UBTD2: variants seen among roughly 807,000 people sequenced by gnomAD.
The protein encoded by UBTD2 is ubiquitin domain-containing protein 2.
UBTD2 carries 9 observed loss-of-function variants against 19.8 expected under a neutral mutation model. The ratio of observed to expected loss-of-function variants is 0.46; its 90% CI spans 0.27 to 0.79. UBTD2 has a LOEUF of 0.79. UBTD2 is among the 30% of genes least tolerant of loss of function. The pLI is 0.14. For missense variants in UBTD2, 250 were observed against 300.4 expected (o/e 0.83, Z 1.24); for synonymous variants, 98 against 103.9 (o/e 0.94, Z 0.35).
In UBTD2 at chr5:172,259,433, G is replaced by A. The variant is rs1396271757; in HGVS notation, c.70+24163C>T. Among the ~76,000 whole-genome samples the A allele has an allele frequency of 5.3e-5, 8 of 152,140 alleles. 1 individual carries two copies. The highest frequency in any genetic ancestry group is 4.4e-5 in the Non-Finnish European group (3 of 68,008). On this transcript the variant is annotated intron_variant, in intron 1 of 2. Coordinates refer to ENST00000393792, the MANE Select transcript of UBTD2 (RefSeq NM_152277.3). ...TGGGATTACAGGAGTGAGCCATCGC[G>A]CCCAGCCCTGTTGAGGGTTTTAAAA...
intron 1 of UBTD2, among the ~76,000 whole-genome samples, chr5:172,282,204 C>T (rs1319624519): frequency 6.6e-6 from 1 of 152,216 alleles, no homozygotes. Flanking sequence ...TTTGATCCTT[C>T]AATTTCACCT....
At position 172,283,590 on chromosome 5, in the gene UBTD2, A is replaced by G; in HGVS notation, c.70+6T>C. On this transcript the variant is annotated splice_donor_region_variant and intron_variant, in intron 1 of 2. Coordinates refer to ENST00000393792, the MANE Select transcript of UBTD2 (RefSeq NM_152277.3). This position sits in a 1 kb window ranked among gnomAD's most constrained non-coding sequence, Gnocchi z 4.3. Reference sequence around the variant, plus strand: ...GGGCCGAGGCTGCCCCCTGGCGCTCACCTACCTCCGGTGCCCTCCGAGTTC... The same window carrying G: ...GGGCCGAGGCTGCCCCCTGGCGCTCGCCTACCTCCGGTGCCCTCCGAGTTC... 2 of 1,303,502 alleles carry G rather than the reference A, an allele frequency of 1.5e-6. No homozygotes were observed. Among genetic ancestry groups the G allele is most frequent in the Non-Finnish European group, 2.0e-6 (2 of 1,016,550 alleles). The allele number at this position is 1,303,502 out of a possible 1,614,324, so 80.7% of individuals were successfully genotyped here.
chr5:172,266,131 G>A (rs1350728984), intron 1 of UBTD2, among the ~76,000 whole-genome samples: 4 of 151,912 alleles, frequency 2.6e-5, no homozygotes, highest in Admixed American at 1.3e-4. Context: ...AGGTTTCACC[G>A]TGTTAGCCAG....
In UBTD2 at chr5:172,274,135, CTTTTTTTTT is replaced by C. The variant is rs555392614; in HGVS notation, c.70+9452_70+9460del. ...CCTCCTCATGCTCAATTTTGCTTTA[CTTTTTTTTT>C]TTTTTTTTTTTTTTGAGACGGAGCC... On this transcript the variant is annotated intron_variant, in intron 1 of 2. Transcript: ENST00000393792. Among the ~76,000 whole-genome samples the C allele has an allele frequency of 7.9e-4, 86 of 108,610 alleles. 1 individual carries two copies. Among genetic ancestry groups the C allele is most frequent in the East Asian group, 1.6e-3 (6 of 3,826 alleles). 71.3% of individuals were successfully genotyped at this position (108,610 alleles called of 152,430 possible).
intron 1 of UBTD2, among the ~76,000 whole-genome samples, chr5:172,256,026 T>C (rs1581227489): frequency 6.6e-6 from 1 of 150,786 alleles, no homozygotes; most frequent in South Asian, 2.1e-4. Flanking sequence ...GAGGCGAAGG[T>C]TGCAGTGAGC....
At chr5:172,276,738 G>C (rs762628300) in intron 1 of UBTD2, among the ~76,000 whole-genome samples, 1 of 151,750 alleles carries the variant, frequency 6.6e-6, no homozygotes, top group Non-Finnish European at 1.5e-5. Flanking sequence ...AAAGGGAAAG[G>C]GGGAGAGAAG....
At chr5:172,269,778 T>A (rs1327229245) in intron 1 of UBTD2, among the ~76,000 whole-genome samples, 1 of 150,810 alleles carries the variant, frequency 6.6e-6, no homozygotes, top group African/African-American at 2.4e-5. Context: ...ATTTTTTTTT[T>A]CTTTAAGAGT....
chr5:172,219,188 G>C (rs1220810717), intron 2 of UBTD2, among the ~76,000 whole-genome samples: 1 of 152,190 alleles, frequency 6.6e-6, no homozygotes, highest in Non-Finnish European at 1.5e-5. Context: ...GGATTCACTG[G>C]TAAATTCTAT....
At chr5:172,274,540 A>G (rs926629843) in intron 1 of UBTD2, among the ~76,000 whole-genome samples, 5 of 152,196 alleles carry the variant, frequency 3.3e-5, no homozygotes, top group African/African-American at 1.2e-4. Flanking sequence ...CTGAAAATAC[A>G]TAAGAAAGAA....
intron 1 of UBTD2, among the ~76,000 whole-genome samples, chr5:172,268,782 G>C (rs1421208766): frequency 6.6e-6 from 1 of 152,078 alleles, no homozygotes; most frequent in African/African-American, 2.4e-5. Context: ...AAGAGGAGGA[G>C]GAGTTCTGGA....
rs567850500 is a variant in UBTD2, at chr5:172,218,805, A to T, written c.308-6578T>A. 4.4e-4 allele frequency among the ~76,000 whole-genome samples: 47 copies of T among 106,028 alleles called. 1 individual carries two copies. The highest frequency in any genetic ancestry group is 1.2e-3 in the East Asian group (4 of 3,422). 69.6% of individuals were successfully genotyped at this position (106,028 alleles called of 152,430 possible). A position where few individuals can be genotyped will look rare whatever the true frequency, so the allele number is the denominator to read the frequency against. On this transcript the variant is annotated intron_variant, in intron 2 of 2. Transcript: ENST00000393792. ...AAAAAAAAAATAAAAAAATAAAAAA[A>T]AAAATAAAAAATAAAAATAAAAAAA...
chr5:172,270,497 A>T (rs1461910746), intron 1 of UBTD2, among the ~76,000 whole-genome samples: 2 of 151,430 alleles, frequency 1.3e-5, no homozygotes, highest in African/African-American at 2.4e-5. Flanking sequence ...CTGGGACTAC[A>T]GGCGCCCACC....
intron 1 of UBTD2, among the ~76,000 whole-genome samples, chr5:172,275,959 C>A (rs1166642073): frequency 6.6e-6 from 1 of 152,220 alleles, no homozygotes; most frequent in Non-Finnish European, 1.5e-5. Context: ...ATCACCAACT[C>A]ATTCCATTTT....
chr5:172,257,946 T>C (rs772613640), intron 1 of UBTD2, among the ~76,000 whole-genome samples: 2 of 152,194 alleles, frequency 1.3e-5, no homozygotes, highest in East Asian at 1.9e-4. Context: ...TTTTCTCCCA[T>C]TGTGTAGGTT....
intron 1 of UBTD2, among the ~76,000 whole-genome samples, chr5:172,262,311 A>T (rs1257836902): frequency 6.6e-6 from 1 of 151,642 alleles, no homozygotes; most frequent in Non-Finnish European, 1.5e-5. Context: ...TTAGCTGGGC[A>T]TGGTGCCACA....
chr5:172,262,096 C>T (rs1053114361), intron 1 of UBTD2, among the ~76,000 whole-genome samples: 7 of 152,254 alleles, frequency 4.6e-5, no homozygotes, highest in African/African-American at 1.7e-4. Flanking sequence ...CAGTTTCCTC[C>T]ACTATAAGAT....
At chr5:172,229,500 CAAAAAAAAA>C (rs5873303) in intron 2 of UBTD2, among the ~76,000 whole-genome samples, 8 of 57,226 alleles carry the variant, frequency 1.4e-4, no homozygotes, top group African/African-American at 5.0e-4. Flanking sequence ...GACTCCGTCT[CAAAAAAAAA>C]AAAAAAAAAA....
chr5:172,262,166 G>A (rs933013843), intron 1 of UBTD2, among the ~76,000 whole-genome samples: 1 of 152,100 alleles, frequency 6.6e-6, no homozygotes, highest in African/African-American at 2.4e-5. Context: ...TCAAGAAAAT[G>A]TGGTCGGGAG....
intron 2 of UBTD2, among the ~76,000 whole-genome samples, chr5:172,229,784 T>C (rs1236642359): frequency 6.6e-6 from 1 of 152,156 alleles, no homozygotes; most frequent in Non-Finnish European, 1.5e-5. Flanking sequence ...AAGTACTGAA[T>C]AGTATACTAT....
Sources: gnomAD v4.1 joint callset for allele counts (sites outside exome capture counted in the v4.1 genomes callset) on GRCh38, gnomAD v4.1.1 for gene constraint, Gnocchi (gnomAD v3.1) non-coding constraint, MANE v1.5 for transcripts, NCBI Gene and HGNC (gene_info 2026-07-23, HGNC 2026-07-21) for gene names.